The following HSDL2 variants were observed in gnomAD, a reference collection of about 807,000 sequenced individuals.
HSDL2 encodes hydroxysteroid dehydrogenase-like protein 2.
HSDL2 carries 27 observed loss-of-function variants against 46.3 expected under a neutral mutation model. That is an observed-to-expected ratio of 0.58 (90% CI 0.43 to 0.80). The LOEUF (loss-of-function observed/expected upper bound fraction) is 0.80, where lower values mean the gene tolerates loss of function less well. HSDL2 is among the 30% of genes least tolerant of loss of function. The pLI is 0.00. For missense variants in HSDL2, 451 were observed against 502.7 expected, an observed-to-expected ratio of 0.90 and a Z score of 0.98; for synonymous variants, 153 against 163.6, an observed-to-expected ratio of 0.94 and a Z score of 0.50.
chr9:112,439,209 G>C (rs1253159285), intron 7 of HSDL2, among the ~76,000 whole-genome samples: 2 of 152,188 alleles, frequency 1.3e-5, no homozygotes, highest in Non-Finnish European at 2.9e-5. Context: ...TGTTGCCCAG[G>C]CTGGTCTTGA....
intron 1 of HSDL2, 89 bp from the exon 2 acceptor site, chr9:112,403,904 CAT>C: frequency 7.4e-7 from 1 of 1,348,432 alleles, no homozygotes; most frequent in Non-Finnish European, 1.0e-6. Context: ...GAGGAGGAAA[CAT>C]ATATTATGAA....
intron 6 of HSDL2, among the ~76,000 whole-genome samples, chr9:112,433,563 T>C (rs1367707022): frequency 6.6e-6 from 1 of 152,138 alleles, no homozygotes; most frequent in Non-Finnish European, 1.5e-5. Context: ...TAATCTGGCA[T>C]CTGAATATGG....
At chr9:112,459,635 T>C (rs969981549) in intron 10 of HSDL2, 58 bp downstream of exon 10, 1 of 1,462,890 alleles carries the variant, frequency 6.8e-7, no homozygotes, top group Non-Finnish European at 9.5e-7. Flanking sequence ...AGTTCTGACA[T>C]TTTGCTTTAT....
chr9:112,391,777 C>T (rs1414407066), intron 1 of HSDL2, among the ~76,000 whole-genome samples: 20 of 151,254 alleles, frequency 1.3e-4, no homozygotes, highest in Admixed American at 4.6e-4. Flanking sequence ...TAGTGGCACA[C>T]GCCTGTAATC....
intron 6 of HSDL2, among the ~76,000 whole-genome samples, chr9:112,431,418 G>C (rs1293461028): frequency 6.6e-6 from 1 of 152,180 alleles, no homozygotes; most frequent in East Asian, 1.9e-4. Context: ...GACCCACATA[G>C]GAGAGTAAGG....
chr9:112,394,575 T>A (rs1374001308), intron 1 of HSDL2, among the ~76,000 whole-genome samples: 1 of 152,038 alleles, frequency 6.6e-6, no homozygotes, highest in Non-Finnish European at 1.5e-5. Context: ...GCCCTCAAAA[T>A]TTTTAGGACA....
chr9:112,462,808 C>G (rs141613858), intron 10 of HSDL2, among the ~76,000 whole-genome samples: 31 of 152,284 alleles, frequency 2.0e-4, no homozygotes, highest in African/African-American at 5.3e-4. Flanking sequence ...TTTCATCACA[C>G]TAAAAAATTC....
intron 6 of HSDL2, among the ~76,000 whole-genome samples, chr9:112,421,417 C>T (rs1832119538): frequency 1.3e-5 from 2 of 152,142 alleles, no homozygotes; most frequent in Non-Finnish European, 2.9e-5. Context: ...GGCCCCTCTA[C>T]GAGGAACCAC....
At chr9:112,409,834 CA>C (rs1587938677) in intron 4 of HSDL2, among the ~76,000 whole-genome samples, 1 of 149,672 alleles carries the variant, frequency 6.7e-6, no homozygotes, top group Non-Finnish European at 1.5e-5. Context: ...GCCTGGGTAA[CA>C]GAGAAAGACT....
chr9:112,398,997 T>A (rs1451533522), intron 1 of HSDL2, among the ~76,000 whole-genome samples: 1 of 152,226 alleles, frequency 6.6e-6, no homozygotes, highest in South Asian at 2.1e-4. Context: ...AACAAGCGTT[T>A]CTGTGAACCG....
At chr9:112,414,395 G>A (rs535857736) in intron 4 of HSDL2, among the ~76,000 whole-genome samples, 2 of 152,298 alleles carry the variant, frequency 1.3e-5, no homozygotes, top group African/African-American at 4.8e-5. Flanking sequence ...TAAAAACAGA[G>A]TCTGGCACAT....
At chr9:112,423,371 C>T (rs911462138) in intron 6 of HSDL2, among the ~76,000 whole-genome samples, 7 of 152,122 alleles carry the variant, frequency 4.6e-5, no homozygotes, top group African/African-American at 1.4e-4. Context: ...GACGGAGTTT[C>T]GTTCTTGTCG....
At chr9:112,419,089 A>G (rs949916104) in intron 6 of HSDL2, 131 bp downstream of exon 6, 12 of 433,348 alleles carry the variant, frequency 2.8e-5, no homozygotes, top group Non-Finnish European at 4.9e-5. Flanking sequence ...GCTCACTGCA[A>G]CCTCTGCCTC....
Position 112,470,613 on chromosome 9 carries a change from A to G in HSDL2, c.*69A>G, listed in dbSNP as rs1833550654. 4 of 820,336 alleles carry G rather than the reference A, an allele frequency of 4.9e-6. No individual in the cohort carries two copies. In the South Asian group the frequency reaches 6.6e-5, roughly 14 times the overall value. 50.8% of individuals were successfully genotyped at this position (820,336 alleles called of 1,614,324 possible). ...AAAAAAGCTCAACAGTTAAAATCTA[A>G]TGTTTGTTTTCTTTCCTGTTATATT... On this transcript the variant is annotated 3_prime_UTR_variant, in exon 11 of 11. Coordinates refer to ENST00000398805, the MANE Select transcript of HSDL2 (RefSeq NM_032303.5).
intron 1 of HSDL2, 95 bp downstream of exon 1, chr9:112,380,275 C>T: frequency 7.9e-7 from 1 of 1,271,206 alleles, no homozygotes; most frequent in Non-Finnish European, 1.1e-6. Flanking sequence ...GCCGGCCCGG[C>T]TGTGGGAGGT....
intron 6 of HSDL2, 51 bp from the exon 7 acceptor site, chr9:112,438,377 TTTA>T: frequency 6.0e-6 from 7 of 1,160,786 alleles, no homozygotes; most frequent in Non-Finnish European, 8.0e-6. Context: ...CTTCCATAGT[TTTA>T]TTATTTGATT....
At chr9:112,413,435 C>T (rs567126960) in intron 4 of HSDL2, among the ~76,000 whole-genome samples, 2 of 151,956 alleles carry the variant, frequency 1.3e-5, no homozygotes, top group East Asian at 3.9e-4. Context: ...CAAGATCACG[C>T]CATTGCACTC....
intron 1 of HSDL2, among the ~76,000 whole-genome samples, chr9:112,399,581 T>C (rs1831541120): frequency 6.6e-6 from 1 of 152,140 alleles, no homozygotes; most frequent in Non-Finnish European, 1.5e-5. Context: ...TCACTCCTTA[T>C]CTCAACTGCA....
At chr9:112,406,850 A>T (rs1035028460) in intron 3 of HSDL2, among the ~76,000 whole-genome samples, 1 of 152,194 alleles carries the variant, frequency 6.6e-6, no homozygotes, top group Non-Finnish European at 1.5e-5. Flanking sequence ...CAATTAGTTC[A>T]AAAGTTCCTA....
Sources: gnomAD v4.1 joint callset for allele counts (sites outside exome capture counted in the v4.1 genomes callset) on GRCh38, gnomAD v4.1.1 for gene constraint, MANE v1.5 for transcripts, NCBI Gene and HGNC (gene_info 2026-07-23, HGNC 2026-07-21) for gene names.